The following PCDH7 variants were observed in gnomAD, a reference collection of about 807,000 sequenced individuals.
PCDH7 encodes the protein protocadherin 7.
A neutral mutation model predicts 58.9 loss-of-function variants in PCDH7; 17 were observed. That is an observed-to-expected ratio of 0.29 (90% confidence interval 0.20 to 0.43). PCDH7 has a LOEUF of 0.43. PCDH7 is among the 20% of genes least tolerant of loss of function. The pLI is 1.00. For missense variants in PCDH7, 1,274 were observed against 1,441.0 expected (o/e 0.88, Z 1.88); for synonymous variants, 664 against 616.4 (o/e 1.08, Z -1.14).
At chr4:31,013,764 T>C (rs2109156404) in intron 3 of PCDH7, among the ~76,000 whole-genome samples, 1 of 152,162 alleles carries the variant, frequency 6.6e-6, no homozygotes, top group East Asian at 1.9e-4. Context: ...GAGGGACCCA[T>C]CCTGGAGACA....
intron 3 of PCDH7, among the ~76,000 whole-genome samples, chr4:31,058,733 G>C (rs901768527): frequency 6.6e-6 from 1 of 152,000 alleles, no homozygotes; most frequent in African/African-American, 2.4e-5. Context: ...TGGCAATCTA[G>C]TGGCAAACCT....
chr4:30,978,057 G>A (rs759358653), intron 3 of PCDH7, among the ~76,000 whole-genome samples: 1 of 152,030 alleles, frequency 6.6e-6, no homozygotes, highest in African/African-American at 2.4e-5. Flanking sequence ...TCACTCAAAA[G>A]TTCATTTAAA....
rs751624221 is a variant in PCDH7, at chr4:30,920,136, A to C, written c.71-17A>C. 1 of 1,364,284 alleles carries C rather than the reference A, an allele frequency of 7.3e-7. No individual in the cohort carries two copies. Among genetic ancestry groups the C allele is most frequent in the South Asian group, 1.1e-5 (1 of 87,910 alleles). The allele number at this position is 1,364,284 out of a possible 1,614,324, so 84.5% of individuals were successfully genotyped here. ...AATCTTACATCGTAGTGACATTCAG[A>C]ATCTTTTCTTTTGCAGCCATTTCGT... On this transcript the variant is annotated splice_polypyrimidine_tract_variant and intron_variant, in intron 1 of 3. Coordinates refer to the PCDH7 transcript ENST00000509759.
At chr4:31,000,785 C>T (rs756075437) in intron 3 of PCDH7, among the ~76,000 whole-genome samples, 3 of 151,908 alleles carry the variant, frequency 2.0e-5, no homozygotes, top group Non-Finnish European at 4.4e-5. Context: ...CATAGTAAAA[C>T]AAAGTTTGAA....
intron 3 of PCDH7, among the ~76,000 whole-genome samples, chr4:31,105,038 G>A (rs371186493): frequency 6.6e-6 from 1 of 152,094 alleles, no homozygotes; most frequent in South Asian, 2.1e-4. Context: ...AATGGAAAAC[G>A]GCTTCATTTT....
intron 3 of PCDH7, among the ~76,000 whole-genome samples, chr4:30,975,541 C>G (rs543582401): frequency 1.2e-4 from 19 of 152,190 alleles, no homozygotes; most frequent in South Asian, 6.2e-4. Context: ...TATTATCTGG[C>G]CCATCTGTTT....
intron 1 of PCDH7, among the ~76,000 whole-genome samples, chr4:30,742,242 A>G (rs1717174305): frequency 1.3e-5 from 2 of 152,164 alleles, no homozygotes; most frequent in African/African-American, 4.8e-5. Flanking sequence ...GTGGCAAATA[A>G]TCATGTAACT....
At chr4:30,901,332 T>C (rs1377840881) in intron 1 of PCDH7, among the ~76,000 whole-genome samples, 10 of 152,134 alleles carry the variant, frequency 6.6e-5, no homozygotes, top group Admixed American at 6.6e-4. Flanking sequence ...CCAATCCTAC[T>C]TAGTTTATAA....
chr4:31,026,250 T>C, intron 3 of PCDH7, among the ~76,000 whole-genome samples: 1 of 152,234 alleles, frequency 6.6e-6, no homozygotes, highest in East Asian at 1.9e-4. Context: ...ATTTGAATTA[T>C]CTTTCTAAGT....
intron 3 of PCDH7, among the ~76,000 whole-genome samples, chr4:31,032,169 T>G (rs1251741398): frequency 2.0e-5 from 3 of 152,234 alleles, no homozygotes; most frequent in Non-Finnish European, 2.9e-5. Context: ...TGATACGCCC[T>G]TCTTAAAAAG....
At chr4:30,745,778 G>T (rs1259139378) in intron 1 of PCDH7, among the ~76,000 whole-genome samples, 2 of 151,924 alleles carry the variant, frequency 1.3e-5, no homozygotes, top group Admixed American at 1.3e-4. Flanking sequence ...TTGTGTGTGT[G>T]TATGTGTGTG....
At chr4:30,958,295 T>G (rs1463278427) in intron 3 of PCDH7, among the ~76,000 whole-genome samples, 1 of 152,040 alleles carries the variant, frequency 6.6e-6, no homozygotes, top group Non-Finnish European at 1.5e-5. Flanking sequence ...AAGCTCTTCT[T>G]TACATTTCCG....
chr4:30,965,001 C>G (rs1180096075), intron 3 of PCDH7, among the ~76,000 whole-genome samples: 1 of 152,132 alleles, frequency 6.6e-6, no homozygotes, highest in Non-Finnish European at 1.5e-5. Context: ...CATGCTTTTT[C>G]ACACAAAGCA....
chr4:30,835,189 G>T (rs545780746), intron 1 of PCDH7, among the ~76,000 whole-genome samples: 1 of 152,014 alleles, frequency 6.6e-6, no homozygotes, highest in Admixed American at 6.6e-5. Flanking sequence ...TCCCGGGAGC[G>T]CAGAGTCAGC....
intron 2 of PCDH7, among the ~76,000 whole-genome samples, chr4:30,931,713 C>T (rs1167179827): frequency 2.6e-5 from 4 of 151,854 alleles, no homozygotes; most frequent in South Asian, 2.1e-4. Context: ...ACTTCTTTCT[C>T]AGGTCACCAA....
Position 31,016,991 on chromosome 4 carries a change from G to A in PCDH7, c.*7+66776G>A, listed in dbSNP as rs180812185. Among the ~76,000 whole-genome samples the A allele has an allele frequency of 5.5e-3, 834 of 150,910 alleles. 5 individuals carry two copies. The highest frequency in any genetic ancestry group is 9.2e-3 in the Non-Finnish European group (623 of 67,708). ...TGTGTGTGTGAGAGAGAGAGAGTTG[G>A]GTATTCTTCTTGTTTACAACACTGA... is the stretch of plus-strand genomic sequence containing the variant. On this transcript the variant is annotated intron_variant, in intron 3 of 3. Transcript: ENST00000509759.
intron 3 of PCDH7, among the ~76,000 whole-genome samples, chr4:31,047,431 A>G (rs1756377474): frequency 6.6e-6 from 1 of 151,974 alleles, no homozygotes; most frequent in African/African-American, 2.4e-5. Context: ...GTACAGCTGT[A>G]TCTTTTGGAC....
At chr4:31,025,529 T>C (rs970908103) in intron 3 of PCDH7, among the ~76,000 whole-genome samples, 7 of 152,212 alleles carry the variant, frequency 4.6e-5, no homozygotes, top group African/African-American at 1.7e-4. Context: ...AGGAGATATA[T>C]GAGATTGTTT....
At chr4:30,742,729 C>T (rs1717244134) in intron 1 of PCDH7, among the ~76,000 whole-genome samples, 1 of 152,076 alleles carries the variant, frequency 6.6e-6, no homozygotes. Flanking sequence ...TAAAAGAGTG[C>T]TGCCACTTGA....
Sources: gnomAD v4.1 joint callset for allele counts (sites outside exome capture counted in the v4.1 genomes callset) on GRCh38, gnomAD v4.1.1 for gene constraint, MANE v1.5 for transcripts, NCBI Gene and HGNC (gene_info 2026-07-23, HGNC 2026-07-21) for gene names.